TMC1: variants seen among roughly 807,000 people sequenced by gnomAD.
The protein encoded by TMC1 is transmembrane channel-like protein 1.
Under a neutral mutation model 105.8 loss-of-function variants are expected in TMC1, and 84 were observed. That is an observed-to-expected ratio of 0.79 (90% CI 0.67 to 0.95). TMC1 has a LOEUF of 0.95. Among genes scored for constraint, TMC1 ranks in the 40% least tolerant of loss-of-function variants. The pLI is 0.00. For synonymous variants in TMC1, 315 were observed against 311.5 expected (o/e 1.01, Z -0.12); for missense variants, 817 against 914.1 (o/e 0.89, Z 1.37).
intron 8 of TMC1, among the ~76,000 whole-genome samples, chr9:72,712,558 G>A (rs998652948): frequency 2.0e-5 from 3 of 152,038 alleles, no homozygotes; most frequent in Admixed American, 2.0e-4. Flanking sequence ...TCATGATTTG[G>A]CTCTCTGTTT....
At chr9:72,822,170 C>G (rs114935125) in intron 20 of TMC1, among the ~76,000 whole-genome samples, 280 of 152,272 alleles carry the variant, frequency 1.8e-3, no homozygotes, top group African/African-American at 5.6e-3. Flanking sequence ...TACAAGTTCT[C>G]CCAAGAATCT....
intron 15 of TMC1, among the ~76,000 whole-genome samples, chr9:72,791,157 G>A (rs770804167): frequency 1.6e-4 from 25 of 151,966 alleles, no homozygotes; most frequent in Non-Finnish European, 3.2e-4. Context: ...AAAAGCACAT[G>A]TTTCCTACTT....
intron 5 of TMC1, among the ~76,000 whole-genome samples, chr9:72,680,291 C>G (rs1290170940): frequency 6.6e-6 from 1 of 151,972 alleles, no homozygotes; most frequent in Non-Finnish European, 1.5e-5. Context: ...ATGCCATATA[C>G]AAATTATATA....
At chr9:72,675,036 A>G (rs973726711) in intron 5 of TMC1, among the ~76,000 whole-genome samples, 1 of 152,210 alleles carries the variant, frequency 6.6e-6, no homozygotes, top group Non-Finnish European at 1.5e-5. Flanking sequence ...GTATGAAAAT[A>G]AATCCAGGAC....
intron 8 of TMC1, among the ~76,000 whole-genome samples, chr9:72,735,696 A>T (rs975125893): frequency 1.3e-5 from 2 of 152,178 alleles, no homozygotes; most frequent in African/African-American, 4.8e-5. Context: ...CCCTCAAAAT[A>T]GTATTAAGGC....
intron 7 of TMC1, among the ~76,000 whole-genome samples, chr9:72,697,401 A>G (rs561594409): frequency 1.8e-4 from 27 of 152,272 alleles, no homozygotes; most frequent in South Asian, 1.2e-3. Context: ...AATTATTATG[A>G]CATAAGAAAG....
At chr9:72,651,071 ATC>A (rs1825807531) in intron 5 of TMC1, 1 of 147,090 alleles carries the variant, frequency 6.8e-6, no homozygotes, top group African/African-American at 2.5e-5. Context: ...ATATATATAT[ATC>A]TATATAAAAA....
At chr9:72,580,063 T>G (rs554587227) in intron 2 of TMC1, among the ~76,000 whole-genome samples, 3 of 152,298 alleles carry the variant, frequency 2.0e-5, no homozygotes, top group African/African-American at 7.2e-5. Flanking sequence ...GCTTTGCTAT[T>G]TAAAAGAGCG....
chr9:72,627,785 A>T, intron 3 of TMC1, 136 bp from the exon 4 acceptor site: 1 of 303,296 alleles, frequency 3.3e-6, no homozygotes, highest in Admixed American at 4.2e-5. Flanking sequence ...CTTTTTAACA[A>T]ATCCTGTAGT....
At chr9:72,725,440 T>G (rs910283006) in intron 8 of TMC1, among the ~76,000 whole-genome samples, 2 of 148,306 alleles carry the variant, frequency 1.3e-5, no homozygotes, top group African/African-American at 4.9e-5. Flanking sequence ...GATCACAAGG[T>G]TCCACAACGG....
chr9:72,535,611 A>G (rs1564395448), intron 1 of TMC1, among the ~76,000 whole-genome samples: 1 of 152,156 alleles, frequency 6.6e-6, no homozygotes. Context: ...ATATCTAGTC[A>G]GCTTTGTGTT....
At chr9:72,710,500 T>C (rs1232831775) in intron 8 of TMC1, among the ~76,000 whole-genome samples, 1 of 152,228 alleles carries the variant, frequency 6.6e-6, no homozygotes, top group Non-Finnish European at 1.5e-5. Flanking sequence ...GGTCTAGTAG[T>C]AATTGTTTTA....
intron 19 of TMC1, among the ~76,000 whole-genome samples, chr9:72,816,883 C>T (rs543571176): frequency 4.4e-4 from 67 of 152,174 alleles, no homozygotes; most frequent in African/African-American, 1.6e-3. Context: ...AACTGAATCA[C>T]GACATCCGAT....
chr9:72,750,022 G>C (rs1025391974), intron 10 of TMC1, among the ~76,000 whole-genome samples: 3 of 152,124 alleles, frequency 2.0e-5, no homozygotes, highest in Non-Finnish European at 4.4e-5. Context: ...CAGGAGAATT[G>C]CTTGAAACTG....
At chr9:72,667,031 C>T (rs1022706903) in intron 5 of TMC1, among the ~76,000 whole-genome samples, 1 of 152,248 alleles carries the variant, frequency 6.6e-6, no homozygotes, top group Non-Finnish European at 1.5e-5. Context: ...AGTGAGCCAA[C>T]ATCTCCCCAC....
At chr9:72,758,599 C>T (rs538001055) in intron 12 of TMC1, among the ~76,000 whole-genome samples, 4 of 152,048 alleles carry the variant, frequency 2.6e-5, no homozygotes, top group Non-Finnish European at 2.9e-5. Flanking sequence ...AGAGATCAGA[C>T]GCCACAGACA....
At chr9:72,723,125 A>T (rs1274163049) in intron 8 of TMC1, among the ~76,000 whole-genome samples, 3 of 152,188 alleles carry the variant, frequency 2.0e-5, no homozygotes, top group African/African-American at 7.2e-5. Flanking sequence ...AAGGCTCCAG[A>T]CAAAGGCCAA....
intron 5 of TMC1, among the ~76,000 whole-genome samples, chr9:72,685,709 A>G (rs1290596521): frequency 6.6e-6 from 1 of 152,198 alleles, no homozygotes; most frequent in Non-Finnish European, 1.5e-5. Flanking sequence ...CATTAAAGGC[A>G]GTGGTATTTT....
At chr9:72,570,629 A>ATAC (rs1180520845) in intron 1 of TMC1, among the ~76,000 whole-genome samples, 27 of 143,094 alleles carry the variant, frequency 1.9e-4, no homozygotes, top group African/African-American at 6.8e-4. Flanking sequence ...TTAACACCAT[A>ATAC]TACTTACCAT....
Sources: gnomAD v4.1 joint callset for allele counts (sites outside exome capture counted in the v4.1 genomes callset) on GRCh38, gnomAD v4.1.1 for gene constraint, MANE v1.5 for transcripts, NCBI Gene and HGNC (gene_info 2026-07-23, HGNC 2026-07-21) for gene names.